NRK: variants seen among roughly 807,000 people sequenced by gnomAD.
NRK encodes the protein Nik related kinase.
A neutral mutation model predicts 125.2 loss-of-function variants in NRK; 67 were observed. The ratio of observed to expected loss-of-function variants is 0.54; its 90% CI spans 0.44 to 0.66. The LOEUF is 0.66. NRK is among the 30% of genes least tolerant of loss of function. The pLI is 0.00. For synonymous variants in NRK, 458 were observed against 429.0 expected (o/e 1.07, Z -0.84); for missense variants, 1,224 against 1,192.9 (o/e 1.03, Z -0.38).
At chrX:105,901,182 A>T in intron 9 of NRK, among the ~76,000 whole-genome samples, 1 of 109,829 alleles carries the variant, frequency 9.1e-6, no homozygotes. Context: ...AATTCAACTT[A>T]CCTTTGTGCC....
At chrX:105,891,870 A>G (rs756078413) in intron 5 of NRK, among the ~76,000 whole-genome samples, 3 of 111,866 alleles carry the variant, frequency 2.7e-5, no homozygotes, top group Non-Finnish European at 3.8e-5. Context: ...TCCAGTTGAG[A>G]TTTTAGTAAA....
intron 2 of NRK, among the ~76,000 whole-genome samples, chrX:105,835,945 T>A (rs1328918245): frequency 1.8e-5 from 2 of 111,815 alleles, no homozygotes; most frequent in Non-Finnish European, 3.8e-5. Context: ...CTCATGCACC[T>A]CATAAATATA....
intron 1 of NRK, among the ~76,000 whole-genome samples, 163 bp downstream of exon 1, chrX:105,823,065 C>A (rs959562140): frequency 8.8e-6 from 1 of 113,168 alleles, no homozygotes; most frequent in Non-Finnish European, 1.9e-5. Flanking sequence ...AAAAGGCGCC[C>A]CCTGGGCACC....
intron 4 of NRK, among the ~76,000 whole-genome samples, chrX:105,883,861 A>C (rs962438110): frequency 1.8e-5 from 2 of 112,894 alleles, no homozygotes; most frequent in Non-Finnish European, 3.7e-5. Flanking sequence ...GTACGCACAA[A>C]TATTCTATAA....
intron 5 of NRK, among the ~76,000 whole-genome samples, chrX:105,893,520 A>T (rs902104747): frequency 7.2e-5 from 8 of 111,862 alleles, no homozygotes; most frequent in African/African-American, 2.6e-4. Context: ...AGTTTTCCAT[A>T]AATGGAATGT....
chrX:105,938,770 C>T (rs1465762457), intron 22 of NRK, among the ~76,000 whole-genome samples: 1 of 111,709 alleles, frequency 9.0e-6, no homozygotes, highest in Non-Finnish European at 1.9e-5. Flanking sequence ...AGTCCATTCT[C>T]ATGCTGCTAT....
At position 105,946,435 on chromosome X, in the gene NRK, G is replaced by T. The variant is rs773601758; in HGVS notation, c.4324G>T (p.Val1442Phe). ...TCACCTCATCGATGCAGAATCTGAG[G>T]TTATGTCTGATGTGACCCTGCCAAA... ...GYHLIDAESE[V>F]MSDVTLPKNP... Residue 1442 changes from valine (V) to phenylalanine (F), a missense_variant, in exon 26 of 29, where the codon GTT becomes TTT. Val to Phe is a conservative substitution (Grantham distance 50). Transcript: ENST00000243300. 6.7e-6 allele frequency: 8 copies of T among 1,195,107 alleles called. No individual in the cohort carries two copies. Among genetic ancestry groups the T allele is most frequent in the Non-Finnish European group, 9.1e-6 (8 of 883,344 alleles).
At position 105,915,794 on chromosome X, in the gene NRK, C is replaced by G; in HGVS notation, c.2414C>G (p.Ser805Ter). Residue 805 changes from serine (S) to a stop codon, truncating the protein, a stop_gained, in exon 15 of 29, where the codon TCA becomes TGA. Coordinates refer to ENST00000243300, the MANE Select transcript of NRK (RefSeq NM_198465.4). LOFTEE classifies it high-confidence loss of function. Reference protein sequence around the residue: ...QDHAHHVKFSSSVPQRSLLEQ... With the variant: ...QDHAHHVKFS ...CATGCACATCATGTCAAGTTCTCTT[C>G]AAGGTATGTGTCTTTGATTTCTATA... The G allele has an allele frequency of 9.4e-7, 1 of 1,063,168 alleles. No homozygotes were observed. The allele number at this position is 1,063,168 out of a possible 1,213,427, so 87.6% of individuals were successfully genotyped here.
At chrX:105,948,794 T>A (rs2040853376) in intron 26 of NRK, 1 of 433,608 alleles carries the variant, frequency 2.3e-6, no homozygotes, top group African/African-American at 2.6e-5. Flanking sequence ...TTTTTTTTAA[T>A]GTGCTAGTTT....
At chrX:105,920,862 A>G (rs1434347990) in intron 16 of NRK, among the ~76,000 whole-genome samples, 6 of 100,040 alleles carry the variant, frequency 6.0e-5, no homozygotes, top group Admixed American at 1.1e-4. Flanking sequence ...GAGAAATAGG[A>G]ACACTTTTAC....
Position 105,897,404 on chromosome X carries a change from G to A in NRK, c.581-1180G>A, listed in dbSNP as rs752474370. Among the ~76,000 whole-genome samples, 5 of 112,301 alleles carry A rather than the reference G, an allele frequency of 4.5e-5. No individual in the cohort carries two copies. In the South Asian group the frequency reaches 1.1e-3, roughly 25 times the overall value. On this transcript the variant is annotated intron_variant, in intron 7 of 28. Transcript: ENST00000243300. The stretch of plus-strand genomic sequence containing the variant: ...GATTATATTGCAGTTGCAATTGCTC[G>A]ATAATCTTCATATTCCAGCCTGTAA...
At position 105,893,842 on chromosome X, in the gene NRK, A is replaced by C; in HGVS notation, c.389A>C (p.Glu130Ala). ...GQRHQLWMVM[E>A]LCAAGSVTDV... ...CTGGCTTTCCTGCAGATGGTGATGGAGTTATGTGCAGCAGGTTCGGTCACT... is the reference window on the plus strand; with the variant it reads ...CTGGCTTTCCTGCAGATGGTGATGGCGTTATGTGCAGCAGGTTCGGTCACT... Residue 130 changes from glutamate to alanine, a missense_variant, in exon 6 of 29, where the codon GAG (glutamate) becomes GCG (alanine). By Grantham distance (107) the Glu-to-Ala change is moderately radical (BLOSUM62 -1). Transcript: ENST00000243300. 1 of 1,178,977 alleles carries C rather than the reference A, an allele frequency of 8.5e-7. No individual in the cohort carries two copies. Among genetic ancestry groups the C allele is most frequent in the Non-Finnish European group, 1.2e-6 (1 of 866,538 alleles).
In NRK at chrX:105,908,863, C is replaced by A. The variant is rs1411892665; in HGVS notation, c.1222C>A (p.Gln408Lys). ...AGAGCCACAGGTCCAGGCACTTCAG[C>A]AGCTACAGGGAGCAGCCAGGGTATT... The part of the protein sequence containing the change: ...REEPQVQALQ[Q>K]LQGAARVFMP... Residue 408 changes from glutamine (Q) to lysine (K), a missense_variant, in exon 13 of 29, where the codon CAG (glutamine) becomes AAG (lysine). By Grantham distance (53) the Gln-to-Lys change is moderately conservative. Coordinates refer to ENST00000243300, the MANE Select transcript of NRK (RefSeq NM_198465.4). 8.3e-7 allele frequency: 1 copy of A among 1,208,178 alleles called. No homozygotes were observed. Among genetic ancestry groups the A allele is most frequent in the Non-Finnish European group, 1.1e-6 (1 of 893,878 alleles).
At chrX:105,872,302 G>A (rs1337653639) in intron 2 of NRK, among the ~76,000 whole-genome samples, 1 of 111,498 alleles carries the variant, frequency 9.0e-6, no homozygotes, top group Admixed American at 9.6e-5. Context: ...GTTAATAAGT[G>A]TGAAGCTTAA....
chrX:105,899,722 C>T lies in NRK; in HGVS notation c.712-896C>T, dbSNP rs888479700. 6.3e-5 allele frequency among the ~76,000 whole-genome samples: 7 copies of T among 111,464 alleles called. No homozygotes were observed. In the Admixed American group the frequency reaches 6.7e-4, roughly 11 times the overall value. Reference sequence around the variant, plus strand: ...TCTATCAACTAGGGTTCTAAAAATCCAGTTAACCTCCGAGGCCGCAGATCA... The same window carrying T: ...TCTATCAACTAGGGTTCTAAAAATCTAGTTAACCTCCGAGGCCGCAGATCA... On this transcript the variant is annotated intron_variant, in intron 8 of 28. Transcript: ENST00000243300.
At chrX:105,951,847 A>C (rs2040902714) in intron 27 of NRK, among the ~76,000 whole-genome samples, 1 of 112,686 alleles carries the variant, frequency 8.9e-6, no homozygotes, top group Non-Finnish European at 1.9e-5. Context: ...TGGACTCAGC[A>C]AAAAGCCTGT....
rs769819245 is a variant in NRK, at chrX:105,822,859, G to A, written c.14G>A (p.Gly5Glu). The A allele has an allele frequency of 1.7e-5, 20 of 1,170,957 alleles. No homozygotes were observed. Among genetic ancestry groups the A allele is most frequent in the Middle Eastern group, 4.6e-4 (2 of 4,314 alleles). The change falls in exon 1 of 29, where the codon GGG becomes GAG. Residue 5 changes from glycine to glutamate, a missense_variant. Gly to Glu is a moderately conservative substitution (Grantham distance 98). Transcript: ENST00000243300. ...CTCCTCGAAGCCATGGCGGGACCTGGGGGCTGGAGGGACAGGGAGGTCACG... is the reference window on the plus strand; with the variant it reads ...CTCCTCGAAGCCATGGCGGGACCTGAGGGCTGGAGGGACAGGGAGGTCACG... MAGP[G>E]GWRDREVTDL...
intron 20 of NRK, among the ~76,000 whole-genome samples, 151 bp downstream of exon 20, chrX:105,934,595 T>C (rs1194577892): frequency 2.7e-5 from 3 of 112,318 alleles, no homozygotes; most frequent in African/African-American, 9.7e-5. Flanking sequence ...AAACATCTAC[T>C]CTTTACTGAA....
chrX:105,921,595 C>A (rs1183758979), intron 16 of NRK, among the ~76,000 whole-genome samples: 1 of 109,286 alleles, frequency 9.2e-6, no homozygotes, highest in African/African-American at 3.3e-5. Context: ...TATGTGAGGC[C>A]AGTGGTACTC....
Sources: gnomAD v4.1 joint callset for allele counts (sites outside exome capture counted in the v4.1 genomes callset) on GRCh38, gnomAD v4.1.1 for gene constraint, MANE v1.5 for transcripts, NCBI Gene and HGNC (gene_info 2026-07-23, HGNC 2026-07-21) for gene names.